The following SRD5A1 variants were observed in gnomAD, a reference collection of about 807,000 sequenced individuals.
The protein encoded by SRD5A1 is steroid 5 alpha-reductase 1, also known as 3-oxo-5-alpha-steroid 4-dehydrogenase 1.
Under a neutral mutation model 28.2 loss-of-function variants are expected in SRD5A1, and 22 were observed. The observed-to-expected ratio is 0.78, with a 90% CI of 0.56 to 1.12. The LOEUF (loss-of-function observed/expected upper bound fraction) is 1.12, where lower values mean the gene tolerates loss of function less well. SRD5A1 is among the 50% of genes most tolerant of loss of function. SRD5A1 has a pLI of 0.00. For synonymous variants in SRD5A1, 151 were observed against 135.0 expected, an observed-to-expected ratio of 1.12 and a Z score of -0.82; for missense variants, 300 against 346.7, an observed-to-expected ratio of 0.87 and a Z score of 1.07.
At chr5:6,636,659 G>C (rs1204989574) in intron 1 of SRD5A1, among the ~76,000 whole-genome samples, 2 of 152,188 alleles carry the variant, frequency 1.3e-5, no homozygotes. Context: ...TGGGAACAAT[G>C]AGTACAGGAC....
At chr5:6,645,140 G>A (rs1370299474) in intron 1 of SRD5A1, 3 of 383,302 alleles carry the variant, frequency 7.8e-6, no homozygotes, top group Non-Finnish European at 1.6e-5. Context: ...TTAAGTGGGA[G>A]TGCTGGGGAG....
At position 6,672,788 on chromosome 5, in the gene SRD5A1, T is replaced by C. The variant is rs1035922984; in HGVS notation, c.*4520T>C. On this transcript the variant is annotated 3_prime_UTR_variant, in exon 5 of 5. Coordinates refer to ENST00000274192, the MANE Select transcript of SRD5A1 (RefSeq NM_001047.4). ...CTTATGGAGAATTTGTTGGAGCAAG[T>C]ACAGACCCTATGTTTAACTTCTTTT... The C allele has an allele frequency of 2.6e-4, 40 of 152,250 alleles. No homozygotes were observed. Among genetic ancestry groups the C allele is most frequent in the African/African-American group, 9.2e-4 (38 of 41,466 alleles). The allele number at this position is 152,250 out of a possible 1,614,324, so 9.4% of individuals were successfully genotyped here. A position where few individuals can be genotyped will look rare whatever the true frequency, so the allele number is the denominator to read the frequency against.
At chr5:6,645,983 A>T (rs1054134772) in intron 1 of SRD5A1, among the ~76,000 whole-genome samples, 3 of 152,000 alleles carry the variant, frequency 2.0e-5, no homozygotes, top group East Asian at 3.9e-4. Context: ...TCCTAATGCT[A>T]TCCTTCCCCC....
chr5:6,669,517 G>A lies in SRD5A1; in HGVS notation c.*1249G>A, dbSNP rs972985322. 2.0e-5 allele frequency: 3 copies of A among 152,140 alleles called. No individual in the cohort carries two copies. The highest frequency in any genetic ancestry group is 7.2e-5 in the African/African-American group (3 of 41,426). 9.4% of individuals were successfully genotyped at this position (152,140 alleles called of 1,614,324 possible). On this transcript the variant is annotated 3_prime_UTR_variant, in exon 5 of 5. Transcript: ENST00000274192. ...CATCTGGAGTTTTTAAATGCCATTT[G>A]TTTCAGTTGTCTTTAACAACATAAT...
At chr5:6,654,552 A>G (rs377385179) in intron 2 of SRD5A1, among the ~76,000 whole-genome samples, 53 of 152,186 alleles carry the variant, frequency 3.5e-4, no homozygotes, top group African/African-American at 1.2e-3. Context: ...TTGTGCCTCA[A>G]CCTCAGAGTA....
chr5:6,633,922 C>A, intron 1 of SRD5A1, 53 bp downstream of exon 1: 1 of 1,575,254 alleles, frequency 6.3e-7, no homozygotes, highest in Admixed American at 1.7e-5. Flanking sequence ...GGCGTCCTCT[C>A]CGACCCTCCC....
chr5:6,665,662 T>G (rs909413949), intron 4 of SRD5A1, among the ~76,000 whole-genome samples: 1 of 152,066 alleles, frequency 6.6e-6, no homozygotes, highest in African/African-American at 2.4e-5. Context: ...TCATTTCTCA[T>G]TAAAAGAAAC....
At chr5:6,636,427 C>T (rs1417124486) in intron 1 of SRD5A1, among the ~76,000 whole-genome samples, 1 of 152,134 alleles carries the variant, frequency 6.6e-6, no homozygotes, top group Non-Finnish European at 1.5e-5. Context: ...GAGGCGCTGG[C>T]CAGGCAGAGC....
chr5:6,659,149 T>G (rs1448679582), intron 3 of SRD5A1, among the ~76,000 whole-genome samples: 1 of 150,936 alleles, frequency 6.6e-6, no homozygotes, highest in Non-Finnish European at 1.5e-5. Flanking sequence ...GGTCTCGCTC[T>G]GTCACCCAGG....
chr5:6,658,293 C>G, intron 3 of SRD5A1, among the ~76,000 whole-genome samples: 1 of 152,050 alleles, frequency 6.6e-6, no homozygotes, highest in East Asian at 1.9e-4. Flanking sequence ...CCACTGTATT[C>G]CAGCCTGGAC....
In SRD5A1 at chr5:6,668,297, T is replaced by C; in HGVS notation, c.*29T>C. ...CGTTTTTCATGAAATTATCTTCAAC[T>C]TGAAGCTTTCCAATGGCGCTTCTCT... On this transcript the variant is annotated 3_prime_UTR_variant, in exon 5 of 5. Coordinates refer to ENST00000274192, the MANE Select transcript of SRD5A1 (RefSeq NM_001047.4). The C allele has an allele frequency of 7.3e-7, 1 of 1,372,286 alleles. No individual in the cohort carries two copies. Among genetic ancestry groups the C allele is most frequent in the Non-Finnish European group, 1.0e-6 (1 of 981,466 alleles). 85.0% of individuals were successfully genotyped at this position (1,372,286 alleles called of 1,614,324 possible).
chr5:6,650,975 C>G (rs1344215440), intron 1 of SRD5A1, among the ~76,000 whole-genome samples: 1 of 152,074 alleles, frequency 6.6e-6, no homozygotes, highest in Admixed American at 6.5e-5. Context: ...AGCTCAGCCA[C>G]TCACTAGCTT....
At chr5:6,648,887 C>T (rs1738584768) in intron 1 of SRD5A1, among the ~76,000 whole-genome samples, 1 of 152,170 alleles carries the variant, frequency 6.6e-6, no homozygotes, top group South Asian at 2.1e-4. Context: ...TGGTTTTTCC[C>T]CATCTTTGTG....
In SRD5A1 at chr5:6,662,967, G is replaced by A; in HGVS notation, c.713+1G>A. 3 of 1,614,006 alleles carry A rather than the reference G, an allele frequency of 1.9e-6. No individual in the cohort carries two copies. Among genetic ancestry groups the A allele is most frequent in the Non-Finnish European group, 2.5e-6 (3 of 1,179,962 alleles). On this transcript the variant is annotated splice_donor_variant, in intron 4 of 4. Coordinates refer to ENST00000274192, the MANE Select transcript of SRD5A1 (RefSeq NM_001047.4). LOFTEE classifies it high-confidence loss of function. ...CTGGTAGAGCAAAAGAGCATCATGA[G>A]TAAGTTTTAAAACACTTTTACCATT...
chr5:6,665,501 C>T (rs1406009065), intron 4 of SRD5A1, among the ~76,000 whole-genome samples: 3 of 152,336 alleles, frequency 2.0e-5, no homozygotes, highest in Admixed American at 6.5e-5. Flanking sequence ...TGAAATACAA[C>T]GTTATCTCTC....
chr5:6,651,014 C>T (rs1738655888), intron 1 of SRD5A1, among the ~76,000 whole-genome samples: 1 of 152,100 alleles, frequency 6.6e-6, no homozygotes, highest in South Asian at 2.1e-4. Flanking sequence ...CTTTACCACT[C>T]TGAGTCTTAA....
At chr5:6,661,198 C>T (rs1186565828) in intron 3 of SRD5A1, among the ~76,000 whole-genome samples, 4 of 152,102 alleles carry the variant, frequency 2.6e-5, no homozygotes, top group Admixed American at 2.6e-4. Flanking sequence ...AAGAAAAGCA[C>T]TGTGCTGTCT....
At position 6,663,938 on chromosome 5, in the gene SRD5A1, T is replaced by C. The variant is rs73033333; in HGVS notation, c.713+972T>C. On this transcript the variant is annotated intron_variant, in intron 4 of 4. Transcript: ENST00000274192. ...TTTAGAGAACATCTTTCTAATCCAATGGATGAGGAAACTGAGGTTCAGGGA... is the reference window on the plus strand; with the variant it reads ...TTTAGAGAACATCTTTCTAATCCAACGGATGAGGAAACTGAGGTTCAGGGA... Among the ~76,000 whole-genome samples the C allele has an allele frequency of 6.3e-3, 964 of 152,166 alleles. 8 individuals carry two copies. The highest frequency in any genetic ancestry group is 0.022 in the African/African-American group (925 of 41,508).
intron 3 of SRD5A1, among the ~76,000 whole-genome samples, chr5:6,662,297 T>C (rs1180022138): frequency 6.6e-6 from 1 of 152,214 alleles, no homozygotes; most frequent in Non-Finnish European, 1.5e-5. Flanking sequence ...TCCCCCTCCA[T>C]GAGCTGTGTG....
Sources: allele counts gnomAD v4.1 joint callset (sites outside exome capture counted in the v4.1 genomes callset), GRCh38; gene constraint gnomAD v4.1.1; transcripts MANE v1.5; gene names NCBI Gene and HGNC (gene_info 2026-07-23, HGNC 2026-07-21).